Variants in WDR33 observed in about 807,000 individuals in gnomAD.
WDR33 encodes WD repeat domain 33, also known as pre-mRNA 3' end processing protein WDR33.
In WDR33, 47 loss-of-function variants were observed where a neutral mutation model predicts 164.9. The observed-to-expected ratio is 0.29, with a 90% confidence interval of 0.23 to 0.36. The LOEUF is 0.36. Among genes scored for constraint, WDR33 ranks in the 10% least tolerant of loss-of-function variants. The pLI, the probability that WDR33 is intolerant of heterozygous loss-of-function variation, is 1.00. For missense variants in WDR33, 1,137 were observed against 1,754.1 expected (o/e 0.65, Z 6.28); for synonymous variants, 505 against 589.0 (o/e 0.86, Z 2.06).
chr2:127,791,963 G>C (rs905641428), intron 1 of WDR33, among the ~76,000 whole-genome samples: 3 of 151,016 alleles, frequency 2.0e-5, no homozygotes, highest in Non-Finnish European at 4.4e-5. Context: ...TTTTGAGACG[G>C]AGTCTCATGC....
Position 127,786,380 on chromosome 2 carries a change from A to G in WDR33, c.-23-15376T>C, listed in dbSNP as rs866710627. 2.6e-5 allele frequency among the ~76,000 whole-genome samples: 4 copies of G among 152,352 alleles called. No individual in the cohort carries two copies. The Middle Eastern group carries it at 0.014, about 518-fold the overall frequency. On this transcript the variant is annotated intron_variant, in intron 1 of 21. Transcript: ENST00000322313. ...TCCATATCCAGATGTTCACTATTAC[A>G]ATATAGAAATACAATATTTTGGCAG...
rs1685910682 is a variant in WDR33, at chr2:127,702,244, C to CT, written c.*4078dup. On this transcript the variant is annotated 3_prime_UTR_variant, in exon 22 of 22. Coordinates refer to ENST00000322313, the MANE Select transcript of WDR33 (RefSeq NM_018383.5). ...GCCGTCGGAGACCGCGCCGGCCGAG[C>CT]TGAGGACTGCACGCCGCTGTGCGGA... 8.5e-7 allele frequency: 1 copy of CT among 1,173,674 alleles called. No individual in the cohort carries two copies. Among genetic ancestry groups the CT allele is most frequent in the Non-Finnish European group, 1.1e-6 (1 of 940,548 alleles). 72.7% of individuals were successfully genotyped at this position (1,173,674 alleles called of 1,614,324 possible).
rs1482468137 is a variant in WDR33 at position 127,709,753 on chromosome 2, C to A, written c.3412G>T (p.Ala1138Ser). ...EDFGPEENFDASEEAARGRDL... is the reference protein window; with the variant it reads ...EDFGPEENFDSSEEAARGRDL... ...CGTCCTCGGGCCGCTTCCTCAGAAG[C>A]ATCAAAATTCTCCTCTGGACCAAAG... The change falls in exon 19 of 22, where the codon GCT (alanine) becomes TCT (serine). Residue 1138 changes from alanine to serine, a missense_variant. Ala to Ser is a moderately conservative substitution (Grantham distance 99). Around this residue, in one of 9 missense-constraint regions of WDR33, gnomAD observed 867 missense variants for 1,073.0 expected, o/e 0.81. Transcript: ENST00000322313. The surrounding 1 kb of genome is among the most constrained non-coding windows in gnomAD (Gnocchi z 5.0). 1 of 1,614,216 alleles carries A rather than the reference C, an allele frequency of 6.2e-7. No individual in the cohort carries two copies. The highest frequency in any genetic ancestry group is 8.5e-7 in the Non-Finnish European group (1 of 1,180,048).
In WDR33 at chr2:127,703,791, G is replaced by A. The variant is rs780262565; in HGVS notation, c.*2532C>T. The A allele has an allele frequency of 6.6e-5, 11 of 166,976 alleles. No homozygotes were observed. Among genetic ancestry groups the A allele is most frequent in the Non-Finnish European group, 1.3e-4 (9 of 68,122 alleles). 10.3% of individuals were successfully genotyped at this position (166,976 alleles called of 1,614,324 possible). ...CAATAGTTGGGGGTTTTATAATGAT[G>A]TTTTACAATGTTTATTTCTTAAATA... is the stretch of plus-strand genomic sequence containing the variant. On this transcript the variant is annotated 3_prime_UTR_variant, in exon 22 of 22. Coordinates refer to ENST00000322313, the MANE Select transcript of WDR33 (RefSeq NM_018383.5).
Position 127,723,195 on chromosome 2 carries a change from AAC to A in WDR33, c.1291+56_1291+57del, listed in dbSNP as rs1274977445. 8.6e-6 allele frequency: 13 copies of A among 1,517,502 alleles called. No individual in the cohort carries two copies. The highest frequency in any genetic ancestry group is 1.2e-5 in the Non-Finnish European group (13 of 1,108,148). The allele number at this position is 1,517,502 out of a possible 1,614,324, so 94.0% of individuals were successfully genotyped here. A position where few individuals can be genotyped will look rare whatever the true frequency, so the allele number is the denominator to read the frequency against. On this transcript the variant is annotated intron_variant, in intron 12 of 21. Coordinates refer to ENST00000322313, the MANE Select transcript of WDR33 (RefSeq NM_018383.5). This position sits in a 1 kb window ranked among gnomAD's most constrained non-coding sequence, Gnocchi z 5.9. The stretch of plus-strand genomic sequence containing the variant: ...ATTTTGTATAATCTTCCCAACATCT[AAC>A]ACTTCTGTAATAGAATACCAGATTT...
chr2:127,753,995 G>A (rs577604791), intron 7 of WDR33, among the ~76,000 whole-genome samples: 6 of 152,224 alleles, frequency 3.9e-5, no homozygotes, highest in African/African-American at 1.2e-4. Flanking sequence ...TTATCTAGAG[G>A]TAGTTAGGCA....
rs1686806404 is a variant in WDR33 at position 127,735,071 on chromosome 2, T to C, written c.725-8294A>G. Among the ~76,000 whole-genome samples the C allele has an allele frequency of 1.3e-5, 2 of 152,232 alleles. No homozygotes were observed. Among genetic ancestry groups the C allele is most frequent in the Non-Finnish European group, 2.9e-5 (2 of 68,026 alleles). Reference sequence around the variant, plus strand: ...GTGAACAGACATTCTAGACTTGCTTTGTAGATAGTGAAGACTTCTTGTTCA... The same window carrying C: ...GTGAACAGACATTCTAGACTTGCTTCGTAGATAGTGAAGACTTCTTGTTCA... On this transcript the variant is annotated intron_variant, in intron 7 of 21. Coordinates refer to ENST00000322313, the MANE Select transcript of WDR33 (RefSeq NM_018383.5). This position sits in a 1 kb window ranked among gnomAD's most constrained non-coding sequence, Gnocchi z 4.3.
chr2:127,749,029 T>C lies in WDR33; in HGVS notation c.724+14033A>G, dbSNP rs114535945. Among the ~76,000 whole-genome samples, 1,067 of 152,304 alleles carry C rather than the reference T, an allele frequency of 7.0e-3. 9 individuals carry two copies. The highest frequency in any genetic ancestry group is 0.024 in the African/African-American group (1,014 of 41,566). On this transcript the variant is annotated intron_variant, in intron 7 of 21. Coordinates refer to ENST00000322313, the MANE Select transcript of WDR33 (RefSeq NM_018383.5). ...TTAAAATTTCTATAAGTATTAATCA[T>C]ATCTACAAGTACAAAACCAAAAATG...
At chr2:127,810,094 T>C (rs1321571210) in intron 1 of WDR33, among the ~76,000 whole-genome samples, 3 of 151,964 alleles carry the variant, frequency 2.0e-5, no homozygotes, top group Non-Finnish European at 4.4e-5. Flanking sequence ...ATATATAGCA[T>C]GCATTAGCTC....
At chr2:127,767,647 G>T (rs571954342) in intron 4 of WDR33, among the ~76,000 whole-genome samples, 1 of 152,006 alleles carries the variant, frequency 6.6e-6, no homozygotes, top group African/African-American at 2.4e-5. Context: ...CCCGGGGGGC[G>T]GAGCTTGCAG....
At position 127,706,519 on chromosome 2, in the gene WDR33, G is replaced by A. The variant is rs1310516282; in HGVS notation, c.3815C>T (p.Pro1272Leu). 6.2e-7 allele frequency: 1 copy of A among 1,612,982 alleles called. No homozygotes were observed. The highest frequency in any genetic ancestry group is 1.3e-5 in the African/African-American group (1 of 74,862). ...RGGPGPAQRVPKSGRSSSLDG... is the reference protein window; with the variant it reads ...RGGPGPAQRVLKSGRSSSLDG... ...TAAGGAGCTGGAACGCCCAGATTTG[G>A]GCACTCTCTGAGCAGGTCCTGGGCC... Residue 1272 changes from proline (P) to leucine (L), a missense_variant, in exon 22 of 22, where the codon CCC (proline) becomes CTC (leucine). Pro to Leu is a moderately conservative substitution (Grantham distance 98). Around this residue, in one of 9 missense-constraint regions of WDR33, gnomAD observed 867 missense variants for 1,073.0 expected, o/e 0.81. Coordinates refer to ENST00000322313, the MANE Select transcript of WDR33 (RefSeq NM_018383.5). This position sits in a 1 kb window ranked among gnomAD's most constrained non-coding sequence, Gnocchi z 5.1.
Position 127,786,844 on chromosome 2 carries a change from C to CTTTT in WDR33, c.-23-15844_-23-15841dup, listed in dbSNP as rs71307273. Reference sequence around the variant, plus strand: ...ACAATTTTATTTCTTCCTTTCTGTTCTTTTTTTTTTTTTTTTTTTAATTTA... The same window carrying CTTTT: ...ACAATTTTATTTCTTCCTTTCTGTTCTTTTTTTTTTTTTTTTTTTTTTTAATTTA... On this transcript the variant is annotated intron_variant, in intron 1 of 21. Coordinates refer to ENST00000322313, the MANE Select transcript of WDR33 (RefSeq NM_018383.5). 9.1e-3 allele frequency among the ~76,000 whole-genome samples: 1,018 copies of CTTTT among 111,758 alleles called. 4 individuals are homozygous for CTTTT. Among genetic ancestry groups the CTTTT allele is most frequent in the Middle Eastern group, 0.033 (6 of 180 alleles). The allele number at this position is 111,758 out of a possible 152,430, so 73.3% of individuals were successfully genotyped here. A position where few individuals can be genotyped will look rare whatever the true frequency, so the allele number is the denominator to read the frequency against.
In WDR33 at chr2:127,718,698, T is replaced by A. The variant is rs1215815820; in HGVS notation, c.2760+567A>T. Among the ~76,000 whole-genome samples, 1 of 152,220 alleles carries A rather than the reference T, an allele frequency of 6.6e-6. No homozygotes were observed. Among genetic ancestry groups the A allele is most frequent in the Non-Finnish European group, 1.5e-5 (1 of 68,036 alleles). On this transcript the variant is annotated intron_variant, in intron 16 of 21. Transcript: ENST00000322313. This position sits in a 1 kb window ranked among gnomAD's most constrained non-coding sequence, Gnocchi z 4.4. ...ATCCAAAGGGTCACCATTTCCAGAA[T>A]GCTCAATTCTGGAATAACAGTCTCT...
chr2:127,750,144 C>A (rs1294959281), intron 7 of WDR33, among the ~76,000 whole-genome samples: 2 of 152,006 alleles, frequency 1.3e-5, no homozygotes, highest in Admixed American at 1.3e-4. Flanking sequence ...CCTACCTCAG[C>A]CTCCCTGGTA....
intron 1 of WDR33, among the ~76,000 whole-genome samples, chr2:127,791,163 C>CG (rs1688831196): frequency 1.6e-5 from 1 of 62,870 alleles, no homozygotes; most frequent in Admixed American, 2.0e-4. Flanking sequence ...TTCCCCACCC[C>CG]ACCCCCCCCC....
chr2:127,784,784 T>C (rs1174225768), intron 1 of WDR33, among the ~76,000 whole-genome samples: 4 of 152,338 alleles, frequency 2.6e-5, no homozygotes, highest in Non-Finnish European at 4.4e-5. Context: ...TTTTATAACA[T>C]CATGCACTGA....
Position 127,738,472 on chromosome 2 carries a change from A to G in WDR33, c.725-11695T>C, listed in dbSNP as rs1272710849. Reference sequence around the variant, plus strand: ...GCTCCACTCCTTAAGTGTGGGCTATATATTAATATTATGACTTCATTCCAA... The same window carrying G: ...GCTCCACTCCTTAAGTGTGGGCTATGTATTAATATTATGACTTCATTCCAA... On this transcript the variant is annotated intron_variant, in intron 7 of 21. Transcript: ENST00000322313. This position sits in a 1 kb window ranked among gnomAD's most constrained non-coding sequence, Gnocchi z 4.4. Among the ~76,000 whole-genome samples the G allele has an allele frequency of 6.6e-6, 1 of 152,102 alleles. No individual in the cohort carries two copies. The highest frequency in any genetic ancestry group is 1.5e-5 in the Non-Finnish European group (1 of 68,026).
intron 4 of WDR33, among the ~76,000 whole-genome samples, chr2:127,767,822 G>A (rs978125103): frequency 9.2e-5 from 14 of 152,314 alleles, no homozygotes; most frequent in Admixed American, 9.1e-4. Context: ...TCAGCTCTCA[G>A]ATGTTTTCCT....
At chr2:127,732,106 A>AC (rs1398439991) in intron 7 of WDR33, among the ~76,000 whole-genome samples, 3 of 120,068 alleles carry the variant, frequency 2.5e-5, no homozygotes, top group Non-Finnish European at 5.1e-5. Context: ...AACAACATAT[A>AC]CAACACACAC....
Sources: gnomAD v4.1 joint callset for allele counts (sites outside exome capture counted in the v4.1 genomes callset) on GRCh38, gnomAD v4.1.1 for gene constraint, gnomAD v4.1.1 regional missense constraint, Gnocchi (gnomAD v3.1) non-coding constraint, MANE v1.5 for transcripts, NCBI Gene and HGNC (gene_info 2026-07-23, HGNC 2026-07-21) for gene names.